Variants in CLIC2 observed in about 807,000 individuals in gnomAD.
The protein encoded by CLIC2 is CLIC family member 2.
Under a neutral mutation model 14.8 loss-of-function variants are expected in CLIC2, and 9 were observed. That is an observed-to-expected ratio of 0.61 (90% confidence interval 0.37 to 1.06). CLIC2 has a LOEUF of 1.06. Among genes scored for constraint, CLIC2 ranks in the 50% least tolerant of loss-of-function variants. The pLI, the probability that CLIC2 is intolerant of heterozygous loss-of-function variation, is 0.01. For synonymous variants in CLIC2, 61 were observed against 66.3 expected (o/e 0.92, Z 0.39); for missense variants, 148 against 181.4 (o/e 0.82, Z 1.06).
intron 1 of CLIC2, among the ~76,000 whole-genome samples, chrX:155,305,317 G>C (rs2075049819): frequency 1.8e-5 from 2 of 112,141 alleles, no homozygotes; most frequent in African/African-American, 6.5e-5. Context: ...GCAGTATTTG[G>C]GTGGGAGTGA....
At chrX:155,327,847 G>A (rs1392146898) in intron 1 of CLIC2, among the ~76,000 whole-genome samples, 1 of 111,270 alleles carries the variant, frequency 9.0e-6, no homozygotes, top group African/African-American at 3.3e-5. Context: ...ATGCAAGAAT[G>A]GTTCAACATA....
intron 1 of CLIC2, among the ~76,000 whole-genome samples, chrX:155,319,744 A>G (rs782241462): frequency 9.0e-6 from 1 of 111,482 alleles, no homozygotes; most frequent in African/African-American, 3.3e-5. Flanking sequence ...GGCTGAAGCT[A>G]GGGAGCCAAG....
intron 1 of CLIC2, among the ~76,000 whole-genome samples, chrX:155,306,735 G>C (rs1335247378): frequency 2.7e-5 from 3 of 110,387 alleles, no homozygotes; most frequent in Middle Eastern, 4.6e-3. Context: ...AGGAGTGAGA[G>C]AGAGAGAGAG....
intron 3 of CLIC2, among the ~76,000 whole-genome samples, chrX:155,287,307 G>A (rs2074946497): frequency 9.0e-6 from 1 of 111,385 alleles, no homozygotes. Context: ...TGTCCCATTG[G>A]TCTATGTGCC....
chrX:155,313,704 C>T (rs140689080), intron 1 of CLIC2, among the ~76,000 whole-genome samples: 210 of 112,073 alleles, frequency 1.9e-3, no homozygotes, highest in African/African-American at 6.1e-3. Flanking sequence ...TTTGAAGGAA[C>T]TGGAGCACTG....
chrX:155,324,848 T>G (rs2075130473), intron 1 of CLIC2, among the ~76,000 whole-genome samples: 1 of 111,432 alleles, frequency 9.0e-6, no homozygotes, highest in Non-Finnish European at 1.9e-5. Flanking sequence ...TGGAGAAAAT[T>G]TTTGCAATCT....
intron 1 of CLIC2, among the ~76,000 whole-genome samples, chrX:155,303,832 A>G (rs1304322004): frequency 3.1e-5 from 3 of 97,426 alleles, no homozygotes; most frequent in Admixed American, 1.2e-4. Flanking sequence ...TTTCTCCTTC[A>G]CTCATGAAGC....
At chrX:155,289,083 G>T (rs1262289721) in intron 3 of CLIC2, among the ~76,000 whole-genome samples, 1 of 109,876 alleles carries the variant, frequency 9.1e-6, no homozygotes, top group Non-Finnish European at 1.9e-5. Flanking sequence ...GGCAGAGGTT[G>T]CAGTGAGCGG....
At position 155,325,175 on chromosome X, in the gene CLIC2, T is replaced by A. The variant is rs140151386; in HGVS notation, c.57+9196A>T. Among the ~76,000 whole-genome samples, 330 of 112,016 alleles carry A rather than the reference T, an allele frequency of 2.9e-3. 2 individuals carry two copies. Among genetic ancestry groups the A allele is most frequent in the African/African-American group, 0.01 (320 of 30,803 alleles). On this transcript the variant is annotated intron_variant, in intron 1 of 5. Coordinates refer to ENST00000369449, the MANE Select transcript of CLIC2 (RefSeq NM_001289.6). Reference sequence around the variant, plus strand: ...ACTGTTAGTAGGAATGTCAATTAGTTCAATCATTGTGGAAGACAGTGTGAA... The same window carrying A: ...ACTGTTAGTAGGAATGTCAATTAGTACAATCATTGTGGAAGACAGTGTGAA...
intron 1 of CLIC2, among the ~76,000 whole-genome samples, chrX:155,318,233 G>T (rs1180741602): frequency 9.0e-6 from 1 of 111,418 alleles, no homozygotes; most frequent in Non-Finnish European, 1.9e-5. Flanking sequence ...AAAAAATCAA[G>T]GGCATCCAAA....
At chrX:155,302,696 T>A (rs1363750090) in intron 1 of CLIC2, among the ~76,000 whole-genome samples, 1 of 70,303 alleles carries the variant, frequency 1.4e-5, no homozygotes, top group African/African-American at 4.8e-5. Flanking sequence ...GGATCTTTCC[T>A]GCTTTCTCTT....
In CLIC2 at chrX:155,294,976, T is replaced by C. The variant is rs781880425; in HGVS notation, c.293+3809A>G. 6.3e-5 allele frequency among the ~76,000 whole-genome samples: 7 copies of C among 111,701 alleles called. No individual in the cohort carries two copies. In the South Asian group the frequency reaches 2.2e-3, roughly 36 times the overall value. On this transcript the variant is annotated intron_variant, in intron 3 of 5. Transcript: ENST00000369449. ...AATACCAATTCTCCTGAAACTATTC[T>C]AAAAAATGGAAGAGGAGAGAACTCT...
chrX:155,279,819 G>A, intron 4 of CLIC2, 143 bp downstream of exon 4: 3 of 465,377 alleles, frequency 6.4e-6, no homozygotes, highest in South Asian at 6.2e-5. Flanking sequence ...TCATGCGAGG[G>A]AATTTCAGAG....
At chrX:155,327,785 AAAAAC>A (rs1569561404) in intron 1 of CLIC2, among the ~76,000 whole-genome samples, 2 of 111,777 alleles carry the variant, frequency 1.8e-5, no homozygotes, top group South Asian at 3.7e-4. Context: ...AAGTGAAAAC[AAAAAC>A]AAAACAAAAG....
rs782148480 is a variant in CLIC2 at position 155,276,756 on chromosome X, A to T, written c.*1147T>A. 1 of 112,381 alleles carries T rather than the reference A, an allele frequency of 8.9e-6. No homozygotes were observed. The highest frequency in any genetic ancestry group is 3.2e-5 in the African/African-American group (1 of 31,022). The allele number at this position is 112,381 out of a possible 1,213,427, so 9.3% of individuals were successfully genotyped here. On this transcript the variant is annotated 3_prime_UTR_variant, in exon 6 of 6. Transcript: ENST00000369449. ...TATTCTGAAATATACTGATGACAGG[A>T]TGTATCTCAAAGATTATCAACATGA...
chrX:155,279,578 AAG>A (rs1393572963), intron 4 of CLIC2, among the ~76,000 whole-genome samples: 1 of 111,943 alleles, frequency 8.9e-6, no homozygotes, highest in Non-Finnish European at 1.9e-5. Flanking sequence ...AAAAGAAAGA[AAG>A]AAAAGTGATC....
intron 3 of CLIC2, among the ~76,000 whole-genome samples, chrX:155,284,402 G>T (rs1019562001): frequency 2.7e-5 from 3 of 109,600 alleles, no homozygotes; most frequent in African/African-American, 1.0e-4. Flanking sequence ...TGGGATTACA[G>T]GCATGCACCA....
At position 155,298,921 on chromosome X, in the gene CLIC2, T is replaced by G. The variant is rs782322267; in HGVS notation, c.168-11A>C. Reference sequence around the variant, plus strand: ...AGTTCTTCAGGCTTTCTATGATTATTAAAAATAAGCAGAGTTAGGTCTCTA... The same window carrying G: ...AGTTCTTCAGGCTTTCTATGATTATGAAAAATAAGCAGAGTTAGGTCTCTA... On this transcript the variant is annotated splice_polypyrimidine_tract_variant and intron_variant, in intron 2 of 5. Coordinates refer to ENST00000369449, the MANE Select transcript of CLIC2 (RefSeq NM_001289.6). 2.5e-6 allele frequency: 3 copies of G among 1,207,590 alleles called. No homozygotes were observed. Among genetic ancestry groups the G allele is most frequent in the Non-Finnish European group, 3.4e-6 (3 of 891,960 alleles).
At chrX:155,313,771 G>A (rs2124201262) in intron 1 of CLIC2, among the ~76,000 whole-genome samples, 1 of 111,990 alleles carries the variant, frequency 8.9e-6, no homozygotes, top group African/African-American at 3.2e-5. Flanking sequence ...TTAGCTGGGA[G>A]GCTGGTGGTC....
Sources: gnomAD v4.1 joint callset for allele counts (sites outside exome capture counted in the v4.1 genomes callset) on GRCh38, gnomAD v4.1.1 for gene constraint, MANE v1.5 for transcripts, NCBI Gene and HGNC (gene_info 2026-07-23, HGNC 2026-07-21) for gene names.